CRYBA2: variants seen among roughly 807,000 people sequenced by gnomAD.
CRYBA2 encodes beta-crystallin A2.
In CRYBA2, 17 loss-of-function variants were observed where a neutral mutation model predicts 18.5. That is an observed-to-expected ratio of 0.92 (90% confidence interval 0.63 to 1.38). The LOEUF is 1.38. CRYBA2 is among the 40% of genes most tolerant of loss of function. The pLI is 0.00. For missense variants in CRYBA2, 271 were observed against 265.0 expected (o/e 1.02, Z -0.16); for synonymous variants, 101 against 106.2 (o/e 0.95, Z 0.30).
rs1201528145 is a variant in CRYBA2 at position 218,991,969 on chromosome 2, T to C, written c.303+133A>G. On this transcript the variant is annotated intron_variant, in intron 2 of 3. Transcript: ENST00000295728. ...GAGACACCCTTCTGATTCTGAGAAA[T>C]AATGCTACTACCACCCATCTCGGAG... 5.4e-6 allele frequency: 4 copies of C among 738,334 alleles called. No homozygotes were observed. In the East Asian group the frequency reaches 1.2e-4, roughly 22 times the overall value. The allele number at this position is 738,334 out of a possible 1,614,324, so 45.7% of individuals were successfully genotyped here.
At position 218,991,922 on chromosome 2, in the gene CRYBA2, G is replaced by A. The variant is rs748190592; in HGVS notation, c.303+180C>T. On this transcript the variant is annotated intron_variant, in intron 2 of 3. Transcript: ENST00000295728. Reference sequence around the variant, plus strand: ...GATGATTTCTGGGCTCCGGGCCTACGCCCACAATCCCAACTTTCTTGGAGA... The same window carrying A: ...GATGATTTCTGGGCTCCGGGCCTACACCCACAATCCCAACTTTCTTGGAGA... 5.8e-5 allele frequency: 36 copies of A among 615,788 alleles called. No individual in the cohort carries two copies. The Middle Eastern group carries it at 1.3e-3, about 22-fold the overall frequency. 38.1% of individuals were successfully genotyped at this position (615,788 alleles called of 1,614,324 possible). A position where few individuals can be genotyped will look rare whatever the true frequency, so the allele number is the denominator to read the frequency against.
chr2:218,992,392 C>T, intron 1 of CRYBA2, 149 bp from the exon 2 acceptor site: 1 of 827,720 alleles, frequency 1.2e-6, no homozygotes, highest in Non-Finnish European at 1.8e-6. Flanking sequence ...TATGGCAATC[C>T]AGCCCCTCTC....
chr2:218,990,852 G>A lies in CRYBA2; in HGVS notation c.446C>T (p.Ala149Val), dbSNP rs145499527. 35 of 1,612,328 alleles carry A rather than the reference G, an allele frequency of 2.2e-5. No individual in the cohort carries two copies. The East Asian group carries it at 2.2e-4, about 10-fold the overall frequency. ...CCCTGGTTCCAGTTCCAGGACTCAC[G>A]CTCCGGAGCTGACTTTGAGGGAACC... ...DVGSLKVSSGAWVAYQYPGYR... is the reference protein window; with the variant it reads ...DVGSLKVSSGVWVAYQYPGYR... Residue 149 changes from alanine (A) to valine (V), a missense_variant and splice_region_variant, in exon 3 of 4, where the codon GCG (alanine) becomes GTG (valine). Coordinates refer to ENST00000295728, the MANE Select transcript of CRYBA2 (RefSeq NM_057093.2).
At position 218,990,845 on chromosome 2, in the gene CRYBA2, G is replaced by A. The variant is rs1041984152; in HGVS notation, c.446+7C>T. Reference sequence around the variant, plus strand: ...TCTGTCTCCCTGGTTCCAGTTCCAGGACTCACGCTCCGGAGCTGACTTTGA... The same window carrying A: ...TCTGTCTCCCTGGTTCCAGTTCCAGAACTCACGCTCCGGAGCTGACTTTGA... On this transcript the variant is annotated splice_region_variant and intron_variant, in intron 3 of 3. Coordinates refer to ENST00000295728, the MANE Select transcript of CRYBA2 (RefSeq NM_057093.2). 6.2e-7 allele frequency: 1 copy of A among 1,612,434 alleles called. No homozygotes were observed.
At chr2:218,992,283 G>T (rs201716617) in intron 1 of CRYBA2, 40 bp from the exon 2 acceptor site, 2 of 1,598,324 alleles carry the variant, frequency 1.3e-6, no homozygotes, top group East Asian at 2.2e-5. Flanking sequence ...TGCCCCAGCC[G>T]CACCCTCTCT....
rs1026792026 is a variant in CRYBA2, at chr2:218,992,204, C to A, written c.201G>T (p.Gln67His). The change falls in exon 2 of 4, where the codon CAG becomes CAT. Residue 67 changes from glutamine (Q) to histidine (H), a missense_variant. Transcript: ENST00000295728. ...AFEYPDFQGQQFILEKGDYPR... is the reference protein window; with the variant it reads ...AFEYPDFQGQHFILEKGDYPR... ...GATAGTCTCCCTTCTCCAGAATGAA[C>A]TGCTGTCCCTGGAAGTCGGGGTACT... 6 of 1,613,714 alleles carry A rather than the reference C, an allele frequency of 3.7e-6. No individual in the cohort carries two copies. In the Admixed American group the frequency reaches 1.0e-4, roughly 27 times the overall value.
At position 218,993,076 on chromosome 2, in the gene CRYBA2, G is replaced by T. The variant is rs138594727; in HGVS notation, c.101C>A (p.Ala34Glu). The T allele has an allele frequency of 4.2e-5, 68 of 1,611,464 alleles. No individual in the cohort carries two copies. The highest frequency in any genetic ancestry group is 3.3e-4 in the Middle Eastern group (2 of 6,074). ...CAGGCCTCCGCGCTCGCAGACGTTC[G>T]CACAGTCGCTTAGCAGCCGACAGCG... ...GRRCRLLSDC[A>E]NVCERGGLPR... Residue 34 changes from alanine to glutamate, a missense_variant, in exon 1 of 4, where the codon GCG becomes GAG. Coordinates refer to ENST00000295728, the MANE Select transcript of CRYBA2 (RefSeq NM_057093.2). The surrounding 1 kb of genome is among the most constrained non-coding windows in gnomAD (Gnocchi z 7.7).
rs142969645 is a variant in CRYBA2 at position 218,990,851 on chromosome 2, C to A, written c.446+1G>T. On this transcript the variant is annotated splice_donor_variant, in intron 3 of 3. Transcript: ENST00000295728. LOFTEE classifies it high-confidence loss of function. Reference sequence around the variant, plus strand: ...TCCCTGGTTCCAGTTCCAGGACTCACGCTCCGGAGCTGACTTTGAGGGAAC... The same window carrying A: ...TCCCTGGTTCCAGTTCCAGGACTCAAGCTCCGGAGCTGACTTTGAGGGAAC... The A allele has an allele frequency of 6.2e-7, 1 of 1,612,740 alleles. No individual in the cohort carries two copies. Among genetic ancestry groups the A allele is most frequent in the Non-Finnish European group, 8.5e-7 (1 of 1,178,928 alleles).
chr2:218,992,759 G>A (rs1945512922), intron 1 of CRYBA2, among the ~76,000 whole-genome samples: 1 of 152,192 alleles, frequency 6.6e-6, no homozygotes, highest in Admixed American at 6.5e-5. Context: ...AAGTACACTA[G>A]AAACCCCTTC....
In CRYBA2 at chr2:218,992,262, TG is replaced by T. The variant is rs762323591; in HGVS notation, c.162-20del. 1.2e-6 allele frequency: 2 copies of T among 1,611,174 alleles called. No individual in the cohort carries two copies. The highest frequency in any genetic ancestry group is 2.2e-5 in the South Asian group (2 of 90,798). ...CACCCAACTGGAAAAGGAGAAGAGC[TG>T]GGAGGTATCTGCCCCAGCCGCACCC... On this transcript the variant is annotated intron_variant, in intron 1 of 3. Transcript: ENST00000295728.
chr2:218,991,093 C>T lies in CRYBA2; in HGVS notation c.304-99G>A, dbSNP rs867540940. 2.5e-5 allele frequency: 39 copies of T among 1,541,422 alleles called. 1 individual carries two copies. The South Asian group carries it at 4.4e-4, about 17-fold the overall frequency. ...TCCCCCACCCACTGCACCTCACAAG[C>T]TGTGAAGCTGTCTAGGACCCACAGG... On this transcript the variant is annotated intron_variant, in intron 2 of 3. Coordinates refer to ENST00000295728, the MANE Select transcript of CRYBA2 (RefSeq NM_057093.2).
intron 2 of CRYBA2, 57 bp downstream of exon 2, chr2:218,992,045 T>G: frequency 1.3e-6 from 2 of 1,522,000 alleles, no homozygotes; most frequent in Non-Finnish European, 1.8e-6. Context: ...CTAGGTGCCA[T>G]GGTGAGGCCA....
chr2:218,991,249 C>G (rs967830002), intron 2 of CRYBA2: 3 of 465,402 alleles, frequency 6.4e-6, no homozygotes, highest in Non-Finnish European at 1.1e-5. Flanking sequence ...TCCAGAGACC[C>G]TTTCAGGTCA....
At chr2:218,990,438 G>GCCCCCCCCCCCCCCCCCTTCTCTC in intron 3 of CRYBA2, 39 bp from the exon 4 acceptor site, 1 of 1,606,078 alleles carries the variant, frequency 6.2e-7, no homozygotes, top group Non-Finnish European at 8.5e-7. Context: ...AGTAAGCTCT[G>GCCCCCCCCCCCCCCCCCTTCTCTC]CCCCCACCCC....
Position 218,990,231 on chromosome 2 carries a change from A to G in CRYBA2, c.*21T>C. On this transcript the variant is annotated 3_prime_UTR_variant, in exon 4 of 4. Transcript: ENST00000295728. ...AACCTTTATTGAGTGTCCTCAGGGA[A>G]GGTGTCTGGGGCCGTGGAGCCTAGT... The G allele has an allele frequency of 6.2e-7, 1 of 1,613,840 alleles. No individual in the cohort carries two copies. The highest frequency in any genetic ancestry group is 1.1e-5 in the South Asian group (1 of 91,064).
chr2:218,992,312 C>A, intron 1 of CRYBA2, 69 bp from the exon 2 acceptor site: 1 of 1,532,682 alleles, frequency 6.5e-7, no homozygotes, highest in Admixed American at 1.9e-5. Context: ...CCTTGCCGGC[C>A]ATGATTGAAA....
At chr2:218,991,631 T>C (rs1196871333) in intron 2 of CRYBA2, 1 of 157,760 alleles carries the variant, frequency 6.3e-6, no homozygotes, top group African/African-American at 2.4e-5. Context: ...GTCCTCTCTT[T>C]CGGTGTATTT....
Position 218,990,391 on chromosome 2 carries a change from GCCAC to G in CRYBA2, c.451_454del (p.Val151ProfsTer56), listed in dbSNP as rs752630962. 1.9e-6 allele frequency: 3 copies of G among 1,613,986 alleles called. No homozygotes were observed. The East Asian group carries it at 6.7e-5, about 36-fold the overall frequency. Reference sequence around the variant, plus strand: ...GCCTCGGTAGCCTGGGTACTGGTAGGCCACCCACCTAGGCCAGTGAGGGTACAGA... The same window carrying G: ...GCCTCGGTAGCCTGGGTACTGGTAGGCCACCTAGGCCAGTGAGGGTACAGA... On this transcript the variant is annotated frameshift_variant, in exon 4 of 4. Transcript: ENST00000295728. LOFTEE classifies it low-confidence loss of function (END_TRUNC).
rs1945516558 is a variant in CRYBA2, at chr2:218,993,028, A to C, written c.149T>G (p.Val50Gly). ...GGCAATCACTCACACGCCGTTTTCC[A>C]CCTTGACCGAGCGCACCCTGGGCAG... ...GGLPRVRSVK[V>G]ENGVWVAFEY... is the part of the protein sequence containing the mutation. The change falls in exon 1 of 4, where the codon GTG (valine) becomes GGG (glycine). Residue 50 changes from valine to glycine, a missense_variant. Physicochemically the swap from Val to Gly is moderately radical, Grantham distance 109 (BLOSUM62 -3). Coordinates refer to ENST00000295728, the MANE Select transcript of CRYBA2 (RefSeq NM_057093.2). The surrounding 1 kb of genome is among the most constrained non-coding windows in gnomAD (Gnocchi z 7.7). 1 of 1,604,752 alleles carries C rather than the reference A, an allele frequency of 6.2e-7. No individual in the cohort carries two copies. Among genetic ancestry groups the C allele is most frequent in the Non-Finnish European group, 8.5e-7 (1 of 1,174,290 alleles).
Sources: allele counts gnomAD v4.1 joint callset (sites outside exome capture counted in the v4.1 genomes callset), GRCh38; gene constraint gnomAD v4.1.1; non-coding constraint Gnocchi (gnomAD v3.1); transcripts MANE v1.5; gene names NCBI Gene and HGNC (gene_info 2026-07-23, HGNC 2026-07-21).